GRB7: variants seen among roughly 807,000 people sequenced by gnomAD.
GRB7 encodes the protein growth factor receptor bound protein 7.
Under a neutral mutation model 64.1 loss-of-function variants are expected in GRB7, and 47 were observed. That is an observed-to-expected ratio of 0.73 (90% CI 0.58 to 0.94). GRB7 has a LOEUF of 0.94. Among genes scored for constraint, GRB7 ranks in the 40% least tolerant of loss-of-function variants. GRB7 has a pLI of 0.00. For missense variants in GRB7, 634 were observed against 718.4 expected, an observed-to-expected ratio of 0.88 and a Z score of 1.34; for synonymous variants, 277 against 279.9, an observed-to-expected ratio of 0.99 and a Z score of 0.10.
chr17:39,743,228 G>T lies in GRB7; in HGVS notation c.512G>T (p.Trp171Leu). The T allele has an allele frequency of 6.2e-7, 1 of 1,614,186 alleles. No individual in the cohort carries two copies. Among genetic ancestry groups the T allele is most frequent in the Non-Finnish European group, 8.5e-7 (1 of 1,180,034 alleles). ...HESVVEVQAA[W>L]PVGGDSRFVF... ...TCCGTGGTGGAAGTGCAGGCTGCCT[G>T]GCCCGTGGGCGGAGATAGCCGCTTC... The change falls in exon 5 of 15, where the codon TGG becomes TTG. Residue 171 changes from tryptophan to leucine, a missense_variant. By Grantham distance (61) the Trp-to-Leu change is moderately conservative (BLOSUM62 -2). Coordinates refer to ENST00000309156, the MANE Select transcript of GRB7 (RefSeq NM_005310.5).
intron 7 of GRB7, 118 bp from the exon 8 acceptor site, chr17:39,744,435 G>T: frequency 1.1e-6 from 1 of 883,576 alleles, no homozygotes. Flanking sequence ...TTTGCTGTGT[G>T]ACCCTGGGTA....
chr17:39,745,970 G>C lies in GRB7; in HGVS notation c.1328G>C (p.Arg443Pro). The C allele has an allele frequency of 6.2e-7, 1 of 1,614,080 alleles. No homozygotes were observed. The highest frequency in any genetic ancestry group is 1.6e-4 in the Middle Eastern group (1 of 6,062). ...CGCATTTCCCGTGAGGAGAGCCAGC[G>C]GCTTATTGGACAGCAGGGCTTGGTA... ...HGRISREESQ[R>P]LIGQQGLVDG... Residue 443 changes from arginine to proline, a missense_variant, in exon 13 of 15, where the codon CGG (arginine) becomes CCG (proline). Transcript: ENST00000309156.
In GRB7 at chr17:39,747,181, G is replaced by C. The variant is rs1446570751; in HGVS notation, c.*284G>C. 2.1e-6 allele frequency: 1 copy of C among 478,472 alleles called. No homozygotes were observed. Among genetic ancestry groups the C allele is most frequent in the Non-Finnish European group, 3.7e-6 (1 of 269,696 alleles). The allele number at this position is 478,472 out of a possible 1,614,324, so 29.6% of individuals were successfully genotyped here. ...TAGGGCAGGGAATTATGGGAGAAGT[G>C]GGGGCAGCCCAGGCGGTTTCACGCC... On this transcript the variant is annotated 3_prime_UTR_variant, in exon 15 of 15. Transcript: ENST00000309156.
At position 39,747,131 on chromosome 17, in the gene GRB7, T is replaced by C; in HGVS notation, c.*234T>C. Reference sequence around the variant, plus strand: ...AAGGCCTTGGGTGGCCCCCTCTCCTTCTCCTAGCTCTGGAGGTGCTGCTCT... The same window carrying C: ...AAGGCCTTGGGTGGCCCCCTCTCCTCCTCCTAGCTCTGGAGGTGCTGCTCT... On this transcript the variant is annotated 3_prime_UTR_variant, in exon 15 of 15. Coordinates refer to ENST00000309156, the MANE Select transcript of GRB7 (RefSeq NM_005310.5). 1.8e-6 allele frequency: 1 copy of C among 545,518 alleles called. No individual in the cohort carries two copies. The highest frequency in any genetic ancestry group is 2.5e-5 in the South Asian group (1 of 39,624). 33.8% of individuals were successfully genotyped at this position (545,518 alleles called of 1,614,324 possible). A position where few individuals can be genotyped will look rare whatever the true frequency, so the allele number is the denominator to read the frequency against.
intron 1 of GRB7, among the ~76,000 whole-genome samples, chr17:39,741,911 A>G (rs1268923293): frequency 6.7e-6 from 1 of 150,040 alleles, no homozygotes; most frequent in Non-Finnish European, 1.5e-5. Context: ...TCGGGAGGTT[A>G]AGGCACGAGA....
At chr17:39,745,890 G>T (rs749865850) in intron 12 of GRB7, 23 bp from the exon 13 acceptor site, 2 of 1,613,330 alleles carry the variant, frequency 1.2e-6, no homozygotes, top group African/African-American at 2.7e-5. Context: ...CAAAGTGACC[G>T]CCCATGTCCT....
rs529164448 is a variant in GRB7 at position 39,745,193 on chromosome 17, C to T, written c.1012-50C>T. 4.0e-5 allele frequency: 59 copies of T among 1,473,542 alleles called. No homozygotes were observed. In the Admixed American group the frequency reaches 9.8e-4, roughly 25 times the overall value. 91.3% of individuals were successfully genotyped at this position (1,473,542 alleles called of 1,614,324 possible). A position where few individuals can be genotyped will look rare whatever the true frequency, so the allele number is the denominator to read the frequency against. ...TGGTCTGAGGGGGGCGTCACAGCCA[C>T]GCCCCCAGGACCTCTCGACCTCAAG... is the stretch of plus-strand genomic sequence containing the variant. On this transcript the variant is annotated intron_variant, in intron 9 of 14. Transcript: ENST00000309156.
At chr17:39,739,859 C>A (rs1195590056) in intron 1 of GRB7, 4 of 301,776 alleles carry the variant, frequency 1.3e-5, no homozygotes, top group Non-Finnish European at 2.0e-5. Context: ...TCTAAGCTGC[C>A]AGGCCCACAG....
chr17:39,740,246 G>C lies in GRB7; in HGVS notation c.-50-2006G>C, dbSNP rs971297315. ...TGAGGTGCTGGTGTCTCTTGCTAGCGGGTGATGGGTGTGTCGTGCCCCTCC... is the reference window on the plus strand; with the variant it reads ...TGAGGTGCTGGTGTCTCTTGCTAGCCGGTGATGGGTGTGTCGTGCCCCTCC... On this transcript the variant is annotated intron_variant, in intron 1 of 14. Coordinates refer to ENST00000309156, the MANE Select transcript of GRB7 (RefSeq NM_005310.5). 13 of 819,822 alleles carry C rather than the reference G, an allele frequency of 1.6e-5. No homozygotes were observed. In the African/African-American group the frequency reaches 2.2e-4, roughly 14 times the overall value. 50.8% of individuals were successfully genotyped at this position (819,822 alleles called of 1,614,324 possible). A position where few individuals can be genotyped will look rare whatever the true frequency, so the allele number is the denominator to read the frequency against.
At chr17:39,738,894 T>C in intron 1 of GRB7, 1 of 1,534,842 alleles carries the variant, frequency 6.5e-7, no homozygotes, top group Non-Finnish European at 8.7e-7. Flanking sequence ...CAACACCGCC[T>C]CCGGCCCTCC....
chr17:39,745,624 C>G (rs548482163), intron 11 of GRB7, 86 bp downstream of exon 11: 112 of 1,543,552 alleles, frequency 7.3e-5, no homozygotes, highest in Non-Finnish European at 9.1e-5. Context: ...GAAGAGAGGG[C>G]GGGGGGAGGC....
At chr17:39,744,396 T>A in intron 7 of GRB7, 157 bp from the exon 8 acceptor site, 1 of 852,944 alleles carries the variant, frequency 1.2e-6, no homozygotes, top group South Asian at 1.6e-5. Flanking sequence ...GAAAAGATGA[T>A]CTTAGTTTAA....
rs748531962 is a variant in GRB7, at chr17:39,742,352, T to C, written c.51T>C (p.Leu17=). The change falls in exon 2 of 15, where the codon CTT becomes CTC. Residue 17 remains leucine (L), a synonymous_variant. Transcript: ENST00000309156. The part of the protein sequence containing the change: ...PPHLSSSPED[L]CPAPGTPPGT... Reference sequence around the variant, plus strand: ...ATCTTAGCAGCTCTCCGGAAGACCTTTGCCCAGCCCCTGGGACCCCTCCTG... The same window carrying C: ...ATCTTAGCAGCTCTCCGGAAGACCTCTGCCCAGCCCCTGGGACCCCTCCTG... 1.2e-6 allele frequency: 2 copies of C among 1,613,882 alleles called. No homozygotes were observed. The highest frequency in any genetic ancestry group is 1.3e-5 in the African/African-American group (1 of 74,882).
intron 1 of GRB7, among the ~76,000 whole-genome samples, chr17:39,741,387 G>T (rs954504288): frequency 3.3e-5 from 5 of 152,132 alleles, no homozygotes; most frequent in African/African-American, 9.7e-5. Context: ...CCCAGGCCCT[G>T]CTCTCCCCCT....
Position 39,745,429 on chromosome 17 carries a change from C to T in GRB7, c.1100C>T (p.Ala367Val), listed in dbSNP as rs766813045. Residue 367 changes from alanine (A) to valine (V), a missense_variant, in exon 11 of 15, where the codon GCC becomes GTC. Ala to Val is a moderately conservative substitution (Grantham distance 64). Transcript: ENST00000309156. The part of the protein sequence containing the change: ...SCLGSPPLRS[A>V]SDNTLVAMDF... ...CTCTCCTTCCATCTCCAGAGAAGTG[C>T]CTCAGATAATACCCTGGTGGCCATG... 8 of 1,613,814 alleles carry T rather than the reference C, an allele frequency of 5.0e-6. No individual in the cohort carries two copies. In the Admixed American group the frequency reaches 1.2e-4, roughly 24 times the overall value.
chr17:39,743,683 C>G, intron 6 of GRB7: 2 of 605,884 alleles, frequency 3.3e-6, no homozygotes, highest in South Asian at 4.0e-5. Context: ...CTTGTAAAAA[C>G]CTGAGGGTGG....
In GRB7 at chr17:39,742,710, C is replaced by A. The variant is rs539501716; in HGVS notation, c.300C>A (p.Arg100=). ...ARGLLPRDAS[R]PHVVKVYSED... ...GGCTGCTCCCCCGCGATGCCAGCCG[C>A]CCCCATGTGAGTTGTCCCTCAGAAG... Residue 100 remains arginine (R), a synonymous_variant, in exon 3 of 15, where the codon CGC becomes CGA. Transcript: ENST00000309156. 2 of 1,558,160 alleles carry A rather than the reference C, an allele frequency of 1.3e-6. No homozygotes were observed. The highest frequency in any genetic ancestry group is 1.4e-5 in the African/African-American group (1 of 72,930).
intron 14 of GRB7, 111 bp from the exon 15 acceptor site, chr17:39,746,640 G>GAAAAAGA: frequency 2.2e-6 from 1 of 453,822 alleles, no homozygotes; most frequent in Non-Finnish European, 3.3e-6. Flanking sequence ...GAAAGAAAAA[G>GAAAAAGA]AAAAAGAAAA....
At position 39,742,570 on chromosome 17, in the gene GRB7, C is replaced by T; in HGVS notation, c.160C>T (p.Leu54Phe). Residue 54 changes from leucine to phenylalanine, a missense_variant, in exon 3 of 15, where the codon CTT becomes TTT. By Grantham distance (22) the Leu-to-Phe change is conservative (BLOSUM62 0). Coordinates refer to ENST00000309156, the MANE Select transcript of GRB7 (RefSeq NM_005310.5). Reference protein sequence around the residue: ...PLLIPTTGRKLREEERRATSL... With the variant: ...PLLIPTTGRKFREEERRATSL... ...CCCTTTTTCTTCTTGCCACAGGAAA[C>T]TTCGAGAGGAGGAGAGGCGTGCCAC... 1 of 1,613,944 alleles carries T rather than the reference C, an allele frequency of 6.2e-7. No individual in the cohort carries two copies. Among genetic ancestry groups the T allele is most frequent in the Non-Finnish European group, 8.5e-7 (1 of 1,180,004 alleles).
Sources: gnomAD v4.1 joint callset for allele counts (sites outside exome capture counted in the v4.1 genomes callset) on GRCh38, gnomAD v4.1.1 for gene constraint, MANE v1.5 for transcripts, NCBI Gene and HGNC (gene_info 2026-07-23, HGNC 2026-07-21) for gene names.